Variants in TRAPPC9 observed in about 807,000 individuals in gnomAD.
The protein encoded by TRAPPC9 is trafficking protein particle complex subunit 9.
Under a neutral mutation model 124.0 loss-of-function variants are expected in TRAPPC9, and 83 were observed. The ratio of observed to expected loss-of-function variants is 0.67; its 90% CI spans 0.56 to 0.80. TRAPPC9 has a LOEUF of 0.80. TRAPPC9 is among the 30% of genes least tolerant of loss of function. The pLI is 0.00. For missense variants in TRAPPC9, 1,302 were observed against 1,508.3 expected, an observed-to-expected ratio of 0.86 and a Z score of 2.27; for synonymous variants, 638 against 617.5, an observed-to-expected ratio of 1.03 and a Z score of -0.49.
intron 15 of TRAPPC9, among the ~76,000 whole-genome samples, chr8:140,261,687 CA>C (rs2064417960): frequency 6.6e-6 from 1 of 152,138 alleles, no homozygotes; most frequent in South Asian, 2.1e-4. Context: ...ATAATTATAG[CA>C]CTATTCTTGC....
chr8:140,077,804 G>C (rs181635268), intron 17 of TRAPPC9, among the ~76,000 whole-genome samples: 1 of 152,120 alleles, frequency 6.6e-6, no homozygotes, highest in Non-Finnish European at 1.5e-5. Context: ...TGTAGAAAAC[G>C]GAAAGGCAGG....
At chr8:139,845,528 G>A (rs1284497366) in intron 21 of TRAPPC9, among the ~76,000 whole-genome samples, 7 of 152,214 alleles carry the variant, frequency 4.6e-5, no homozygotes, top group African/African-American at 1.4e-4. Flanking sequence ...AATTGGGTAT[G>A]GCACTATGAC....
intron 18 of TRAPPC9, among the ~76,000 whole-genome samples, chr8:140,020,340 T>C (rs1839760095): frequency 6.6e-6 from 1 of 152,240 alleles, no homozygotes; most frequent in African/African-American, 2.4e-5. Context: ...TCACCATTTC[T>C]AATACAAACA....
At chr8:140,364,626 G>A (rs1020506895) in intron 8 of TRAPPC9, among the ~76,000 whole-genome samples, 1 of 152,022 alleles carries the variant, frequency 6.6e-6, no homozygotes, top group Admixed American at 6.6e-5. Context: ...TGTCACCCAG[G>A]CTCGAGTGCA....
At chr8:140,117,257 G>A (rs191258970) in intron 17 of TRAPPC9, among the ~76,000 whole-genome samples, 244 of 152,294 alleles carry the variant, frequency 1.6e-3, no homozygotes, top group African/African-American at 5.6e-3. Context: ...CATGCAAAGT[G>A]CTCACCACAC....
chr8:140,297,813 T>C (rs1158348331), intron 11 of TRAPPC9, among the ~76,000 whole-genome samples: 2 of 152,240 alleles, frequency 1.3e-5, no homozygotes, highest in East Asian at 1.9e-4. Flanking sequence ...TTAGTCTCGA[T>C]AGTCAACTTC....
chr8:140,362,467 T>C (rs896540820), intron 8 of TRAPPC9, among the ~76,000 whole-genome samples: 1 of 152,160 alleles, frequency 6.6e-6, no homozygotes, highest in African/African-American at 2.4e-5. Context: ...TTGTATATAT[T>C]TAAAGTATTT....
rs1476054325 is a variant in TRAPPC9, at chr8:139,834,067, G to A, written c.3055+51812C>T. Among the ~76,000 whole-genome samples the A allele has an allele frequency of 2.6e-5, 4 of 152,310 alleles. No homozygotes were observed. In the East Asian group the frequency reaches 7.7e-4, roughly 29 times the overall value. ...GGGCAAGTCATGGAGCCCTGTGTGG[G>A]CCTCTGGAACGAAGCAGGGTGAGAA... On this transcript the variant is annotated intron_variant, in intron 21 of 22. Coordinates refer to ENST00000438773, the MANE Select transcript of TRAPPC9 (RefSeq NM_001160372.4).
intron 16 of TRAPPC9, among the ~76,000 whole-genome samples, chr8:140,230,853 C>T (rs1161273080): frequency 6.6e-6 from 1 of 152,154 alleles, no homozygotes; most frequent in Non-Finnish European, 1.5e-5. Context: ...CATTTGTGAG[C>T]ACTGGGGATC....
intron 7 of TRAPPC9, among the ~76,000 whole-genome samples, chr8:140,397,065 A>C (rs1176723067): frequency 1.3e-5 from 2 of 152,200 alleles, no homozygotes; most frequent in Non-Finnish European, 2.9e-5. Context: ...CCTATCTATA[A>C]AGATCCAAGT....
chr8:139,982,964 C>T (rs1587409312), intron 19 of TRAPPC9, among the ~76,000 whole-genome samples: 1 of 152,194 alleles, frequency 6.6e-6, no homozygotes, highest in African/African-American at 2.4e-5. Context: ...CCTGCTCACT[C>T]GTCACGTCGT....
At position 139,730,890 on chromosome 8, in the gene TRAPPC9, G is replaced by A. The variant is rs1817770951; in HGVS notation, c.*171C>T. On this transcript the variant is annotated 3_prime_UTR_variant, in exon 23 of 23. Transcript: ENST00000438773. Reference sequence around the variant, plus strand: ...TGGGGCTGCCATGTCCGGGGCTTCTGCGTAGCCCAGCAAAGATGCTACAGG... The same window carrying A: ...TGGGGCTGCCATGTCCGGGGCTTCTACGTAGCCCAGCAAAGATGCTACAGG... 2 of 734,156 alleles carry A rather than the reference G, an allele frequency of 2.7e-6. No individual in the cohort carries two copies. The highest frequency in any genetic ancestry group is 3.5e-5 in the African/African-American group (2 of 56,822). 45.5% of individuals were successfully genotyped at this position (734,156 alleles called of 1,614,324 possible). A position where few individuals can be genotyped will look rare whatever the true frequency, so the allele number is the denominator to read the frequency against.
At chr8:140,014,928 T>C (rs1283361119) in intron 18 of TRAPPC9, among the ~76,000 whole-genome samples, 1 of 152,172 alleles carries the variant, frequency 6.6e-6, no homozygotes, top group African/African-American at 2.4e-5. Context: ...TTCCTTCCCA[T>C]GCTCTCATAT....
rs995202810 is a variant in TRAPPC9 at position 139,962,354 on chromosome 8, T to C, written c.2810+26372A>G. On this transcript the variant is annotated intron_variant, in intron 19 of 22. Transcript: ENST00000438773. The stretch of plus-strand genomic sequence containing the variant: ...AAATAGCTATTATAACACATCAGAA[T>C]AAACTTGATAGCCATCCATAAGCCG... Among the ~76,000 whole-genome samples, 36 of 124,944 alleles carry C rather than the reference T, an allele frequency of 2.9e-4. 3 individuals carry two copies. The highest frequency in any genetic ancestry group is 8.4e-4 in the African/African-American group (33 of 39,484). The allele number at this position is 124,944 out of a possible 152,430, so 82.0% of individuals were successfully genotyped here.
chr8:140,236,992 C>T (rs1017140072), intron 16 of TRAPPC9, among the ~76,000 whole-genome samples: 1 of 151,904 alleles, frequency 6.6e-6, no homozygotes, highest in Non-Finnish European at 1.5e-5. Context: ...ACCAGCCTGG[C>T]CAACATGGTG....
At chr8:140,362,881 C>T (rs1032948317) in intron 8 of TRAPPC9, among the ~76,000 whole-genome samples, 2 of 152,134 alleles carry the variant, frequency 1.3e-5, no homozygotes, top group Non-Finnish European at 2.9e-5. Context: ...GATAATGATC[C>T]AGTTCCTACC....
intron 15 of TRAPPC9, among the ~76,000 whole-genome samples, chr8:140,263,669 C>T (rs1049894015): frequency 3.3e-5 from 5 of 152,168 alleles, no homozygotes; most frequent in African/African-American, 1.2e-4. Context: ...AGTGCCAGCT[C>T]CACTAGGAGG....
At chr8:140,106,798 T>C (rs2060675373) in intron 17 of TRAPPC9, among the ~76,000 whole-genome samples, 1 of 152,198 alleles carries the variant, frequency 6.6e-6, no homozygotes, top group South Asian at 2.1e-4. Flanking sequence ...TATAAAGGGC[T>C]TGAACAGTGC....
Position 139,729,637 on chromosome 8 carries a change from T to A in TRAPPC9, c.*1424A>T, listed in dbSNP as rs199230. Among the ~76,000 whole-genome samples the A allele has an allele frequency of 3.3e-5, 5 of 151,882 alleles. No homozygotes were observed. The highest frequency in any genetic ancestry group is 7.4e-5 in the Non-Finnish European group (5 of 67,976). ...AGGAGGCCACAGATGGAACAAAAAATTTGTTCCTTAGGCCGGAGGCCACAG... is the reference window on the plus strand; with the variant it reads ...AGGAGGCCACAGATGGAACAAAAAAATTGTTCCTTAGGCCGGAGGCCACAG... On this transcript the variant is annotated 3_prime_UTR_variant, in exon 23 of 23. Transcript: ENST00000438773.
Sources: gnomAD v4.1 joint callset for allele counts (sites outside exome capture counted in the v4.1 genomes callset) on GRCh38, gnomAD v4.1.1 for gene constraint, MANE v1.5 for transcripts, NCBI Gene and HGNC (gene_info 2026-07-23, HGNC 2026-07-21) for gene names.